RNF144B: variants seen among roughly 807,000 people sequenced by gnomAD.
The protein encoded by RNF144B is ring finger protein 144B, also known as E3 ubiquitin-protein ligase RNF144B.
In RNF144B, 25 loss-of-function variants were observed where a neutral mutation model predicts 40.2. The ratio of observed to expected loss-of-function variants is 0.62; its 90% confidence interval spans 0.45 to 0.87. The LOEUF is 0.87. RNF144B is among the 40% of genes least tolerant of loss of function. RNF144B has a pLI of 0.00. For synonymous variants in RNF144B, 145 were observed against 136.3 expected (o/e 1.06, Z -0.44); for missense variants, 365 against 373.7 (o/e 0.98, Z 0.19).
rs1345383635 is a variant in RNF144B at position 18,416,504 on chromosome 6, T to A, written c.166-11077T>A. Among the ~76,000 whole-genome samples, 1 of 152,172 alleles carries A rather than the reference T, an allele frequency of 6.6e-6. No homozygotes were observed. The highest frequency in any genetic ancestry group is 2.4e-5 in the African/African-American group (1 of 41,438). On this transcript the variant is annotated intron_variant, in intron 2 of 7. Transcript: ENST00000259939. This position sits in a 1 kb window ranked among gnomAD's most constrained non-coding sequence, Gnocchi z 5.5. ...TGATCATTTGAGATAAAGATAGACG[T>A]GTTTGATCACTCTTGGTTGGTGGGA...
chr6:18,388,058 G>A (rs995727177), intron 1 of RNF144B, among the ~76,000 whole-genome samples: 5 of 152,122 alleles, frequency 3.3e-5, no homozygotes, highest in East Asian at 1.9e-4. Context: ...ACTGATTGTC[G>A]TTTGTGCAGG....
chr6:18,403,886 G>C (rs572502939), intron 2 of RNF144B, among the ~76,000 whole-genome samples: 1 of 152,210 alleles, frequency 6.6e-6, no homozygotes, highest in East Asian at 1.9e-4. Context: ...CAAAACCCAA[G>C]GGGCATCCTG....
At position 18,447,712 on chromosome 6, in the gene RNF144B, AT is replaced by A. The variant is rs2113524547; in HGVS notation, c.331+7970del. 6.6e-6 allele frequency among the ~76,000 whole-genome samples: 1 copy of A among 152,322 alleles called. No individual in the cohort carries two copies. Among genetic ancestry groups the A allele is most frequent in the African/African-American group, 2.4e-5 (1 of 41,584 alleles). On this transcript the variant is annotated intron_variant, in intron 4 of 7. Transcript: ENST00000259939. The surrounding 1 kb of genome is among the most constrained non-coding windows in gnomAD (Gnocchi z 5.6). Reference sequence around the variant, plus strand: ...GATTTCCTGGTAGAGATACATCTGGATTATATGAGTCAGGATCAGTAGTATA... The same window carrying A: ...GATTTCCTGGTAGAGATACATCTGGATATATGAGTCAGGATCAGTAGTATA...
chr6:18,391,983 A>C (rs1794589942), intron 1 of RNF144B, among the ~76,000 whole-genome samples: 1 of 140,526 alleles, frequency 7.1e-6, no homozygotes, highest in South Asian at 2.4e-4. Context: ...AGGATCACGG[A>C]GGTCAGGAGA....
At chr6:18,409,511 A>G (rs1192007141) in intron 2 of RNF144B, among the ~76,000 whole-genome samples, 2 of 121,168 alleles carry the variant, frequency 1.7e-5, no homozygotes, top group African/African-American at 6.2e-5. Flanking sequence ...GCCCTCCCCC[A>G]CCCTCTTGGG....
intron 3 of RNF144B, among the ~76,000 whole-genome samples, chr6:18,438,361 C>T (rs13218799): frequency 0.12 from 18,994 of 151,954 alleles, 1,363 homozygotes; most frequent in Admixed American, 0.19. Context: ...CATGATATTG[C>T]GCATAATTTT....
chr6:18,396,281 T>A, intron 1 of RNF144B: 1 of 600,634 alleles, frequency 1.7e-6, no homozygotes. Flanking sequence ...CCATTATGGA[T>A]AATAATTGAG....
At position 18,464,782 on chromosome 6, in the gene RNF144B, C is replaced by A; in HGVS notation, c.772-145C>A. ...TTCTAAAGGCCTCGTCTCCAAATAC[C>A]GTCACATCGGGGATTTAGGGTTTCA... On this transcript the variant is annotated intron_variant, in intron 7 of 7. Transcript: ENST00000259939. The surrounding 1 kb of genome is among the most constrained non-coding windows in gnomAD (Gnocchi z 6.1). 1 of 770,254 alleles carries A rather than the reference C, an allele frequency of 1.3e-6. No individual in the cohort carries two copies. Among genetic ancestry groups the A allele is most frequent in the East Asian group, 2.7e-5 (1 of 37,306 alleles). The allele number at this position is 770,254 out of a possible 1,614,324, so 47.7% of individuals were successfully genotyped here.
chr6:18,440,830 C>A (rs1408132746), intron 4 of RNF144B, among the ~76,000 whole-genome samples: 2 of 146,528 alleles, frequency 1.4e-5, no homozygotes, highest in Admixed American at 1.4e-4. Flanking sequence ...CAGCCAAAAC[C>A]AGATTTATCT....
intron 1 of RNF144B, among the ~76,000 whole-genome samples, chr6:18,394,614 A>G (rs12194002): frequency 0.27 from 21,904 of 80,364 alleles, 1,913 homozygotes; most frequent in East Asian, 0.49. Context: ...CCCAACCAAG[A>G]AAAAAAAAAA....
At chr6:18,428,703 C>A (rs1005208789) in intron 3 of RNF144B, among the ~76,000 whole-genome samples, 4 of 152,110 alleles carry the variant, frequency 2.6e-5, no homozygotes. Context: ...GGCACCACCA[C>A]CCCCCAGTTG....
At position 18,420,527 on chromosome 6, in the gene RNF144B, C is replaced by A. The variant is rs77541062; in HGVS notation, c.166-7054C>A. 6.5e-4 allele frequency among the ~76,000 whole-genome samples: 99 copies of A among 152,134 alleles called. 1 individual carries two copies. The East Asian group carries it at 0.018, about 28-fold the overall frequency. The stretch of plus-strand genomic sequence containing the variant: ...GTCATTTGCAATGCAGCATGCTGGG[C>A]GTGCTACATTGCTCATGTGTACAAT... On this transcript the variant is annotated intron_variant, in intron 2 of 7. Coordinates refer to ENST00000259939, the MANE Select transcript of RNF144B (RefSeq NM_182757.4).
chr6:18,411,480 TA>T (rs1562044288), intron 2 of RNF144B, among the ~76,000 whole-genome samples: 1,913 of 35,690 alleles, frequency 0.054, 48 homozygotes, highest in African/African-American at 0.076. Flanking sequence ...TATATATATA[TA>T]TATATATATA....
chr6:18,409,353 G>C (rs12190205), intron 2 of RNF144B, among the ~76,000 whole-genome samples: 1 of 133,768 alleles, frequency 7.5e-6, no homozygotes, highest in Non-Finnish European at 1.5e-5. Context: ...ACTCCAGCCC[G>C]GGCACCTGAG....
chr6:18,392,660 G>A (rs943555209), intron 1 of RNF144B, among the ~76,000 whole-genome samples: 2 of 152,112 alleles, frequency 1.3e-5, no homozygotes, highest in South Asian at 2.1e-4. Flanking sequence ...AAACAGTGGC[G>A]AGAAAACAGA....
intron 2 of RNF144B, among the ~76,000 whole-genome samples, chr6:18,404,483 T>C (rs1794855567): frequency 6.6e-6 from 1 of 152,206 alleles, no homozygotes; most frequent in Non-Finnish European, 1.5e-5. Context: ...AGCTGTTACG[T>C]TCTTCAAAAA....
intron 4 of RNF144B, among the ~76,000 whole-genome samples, chr6:18,452,901 C>T (rs1562058024): frequency 1.3e-5 from 2 of 152,048 alleles, no homozygotes; most frequent in African/African-American, 2.4e-5. Flanking sequence ...CCTCCCACCT[C>T]AGCCTCTCAA....
In RNF144B at chr6:18,418,820, G is replaced by A. The variant is rs1795197279; in HGVS notation, c.166-8761G>A. ...ATATTTACATATCATATATAATAATGCTATATATATAATATACACTGACAC... is the reference window on the plus strand; with the variant it reads ...ATATTTACATATCATATATAATAATACTATATATATAATATACACTGACAC... On this transcript the variant is annotated intron_variant, in intron 2 of 7. Coordinates refer to ENST00000259939, the MANE Select transcript of RNF144B (RefSeq NM_182757.4). The surrounding 1 kb of genome is among the most constrained non-coding windows in gnomAD (Gnocchi z 5.2). Among the ~76,000 whole-genome samples the A allele has an allele frequency of 1.3e-5, 2 of 151,220 alleles. No individual in the cohort carries two copies. Among genetic ancestry groups the A allele is most frequent in the Admixed American group, 1.3e-4 (2 of 15,114 alleles).
At position 18,448,699 on chromosome 6, in the gene RNF144B, C is replaced by CAT. The variant is rs1437893899; in HGVS notation, c.332-8455_332-8454insTA. Among the ~76,000 whole-genome samples the CAT allele has an allele frequency of 6.6e-6, 1 of 150,738 alleles. No homozygotes were observed. The highest frequency in any genetic ancestry group is 1.5e-5 in the Non-Finnish European group (1 of 67,456). On this transcript the variant is annotated intron_variant, in intron 4 of 7. Transcript: ENST00000259939. This position sits in a 1 kb window ranked among gnomAD's most constrained non-coding sequence, Gnocchi z 4.0. ...TTGAAAGCCAGCATGCACACACACA[C>CAT]ACACACACACACACACACCCCACCC...
Sources: gnomAD v4.1 joint callset for allele counts (sites outside exome capture counted in the v4.1 genomes callset) on GRCh38, gnomAD v4.1.1 for gene constraint, Gnocchi (gnomAD v3.1) non-coding constraint, MANE v1.5 for transcripts, NCBI Gene and HGNC (gene_info 2026-07-23, HGNC 2026-07-21) for gene names.